Variants in NFAT5 observed in about 807,000 individuals in gnomAD.
The protein encoded by NFAT5 is nuclear factor of activated T cells 5.
Under a neutral mutation model 166.5 loss-of-function variants are expected in NFAT5, and 31 were observed. That is an observed-to-expected ratio of 0.19 (90% CI 0.14 to 0.25). The LOEUF is 0.25. NFAT5 is among the 10% of genes least tolerant of loss of function. The probability of loss-of-function intolerance (pLI) is 1.00; values close to 1 mark genes in which losing one functional copy is unlikely to be tolerated. For synonymous variants in NFAT5, 612 were observed against 639.7 expected (o/e 0.96, Z 0.65); for missense variants, 1,449 against 1,821.8 (o/e 0.80, Z 3.72).
chr16:69,630,617 C>T (rs973579944), intron 3 of NFAT5, among the ~76,000 whole-genome samples: 3 of 152,202 alleles, frequency 2.0e-5, no homozygotes, highest in East Asian at 1.9e-4. Flanking sequence ...AGAGAGGCCA[C>T]GTTCCTAAAA....
At chr16:69,596,288 G>C (rs1396004923) in intron 2 of NFAT5, among the ~76,000 whole-genome samples, 3 of 152,064 alleles carry the variant, frequency 2.0e-5, no homozygotes, top group Non-Finnish European at 4.4e-5. Context: ...AGAGCACTTT[G>C]ATGTATATTT....
In NFAT5 at chr16:69,696,470, TGATA is replaced by T. The variant is rs1267703596; in HGVS notation, c.*123_*126del. Reference sequence around the variant, plus strand: ...TATAAAAAACTGTGTTTGAGTAAACTGATAGATTTTACTCTGACTGCAAAAGAGC... The same window carrying T: ...TATAAAAAACTGTGTTTGAGTAAACTGATTTTACTCTGACTGCAAAAGAGC... On this transcript the variant is annotated 3_prime_UTR_variant, in exon 15 of 15. Transcript: ENST00000349945. The T allele has an allele frequency of 6.6e-6, 1 of 152,648 alleles. No homozygotes were observed. The highest frequency in any genetic ancestry group is 2.4e-5 in the African/African-American group (1 of 41,458). The allele number at this position is 152,648 out of a possible 1,614,324, so 9.5% of individuals were successfully genotyped here.
At chr16:69,619,639 T>A (rs775171031) in intron 2 of NFAT5, among the ~76,000 whole-genome samples, 21 of 152,166 alleles carry the variant, frequency 1.4e-4, no homozygotes, top group Non-Finnish European at 2.4e-4. Flanking sequence ...GTTATTAATG[T>A]TGTTATTTTG....
chr16:69,627,290 ACTG>A (rs1272439279), intron 3 of NFAT5, among the ~76,000 whole-genome samples: 1 of 135,740 alleles, frequency 7.4e-6, no homozygotes, highest in Non-Finnish European at 1.6e-5. Flanking sequence ...GGATTTATAG[ACTG>A]CTAAGTGTGT....
chr16:69,625,411 G>A (rs561725943), intron 2 of NFAT5, among the ~76,000 whole-genome samples: 9 of 151,932 alleles, frequency 5.9e-5, no homozygotes, highest in African/African-American at 1.4e-4. Context: ...AAAAGTAATC[G>A]TAATCTAATA....
At position 69,693,499 on chromosome 16, in the gene NFAT5, G is replaced by A; in HGVS notation, c.3674G>A (p.Gly1225Asp). 6.2e-7 allele frequency: 1 copy of A among 1,614,126 alleles called. No homozygotes were observed. Among genetic ancestry groups the A allele is most frequent in the Non-Finnish European group, 8.5e-7 (1 of 1,180,030 alleles). Residue 1225 changes from glycine to aspartate, a missense_variant, in exon 13 of 15, where the codon GGT (glycine) becomes GAT (aspartate). Transcript: ENST00000349945. ...SQEQAQPPQQ[G>D]LFQPQVALGS... ...GAACAGGCACAACCCCCGCAGCAGG[G>A]TTTATTTCAGCCTCAGGTGGCCCTG...
In NFAT5 at chr16:69,566,958, G is replaced by C. The variant is rs1173239964; in HGVS notation, c.73+584G>C. ...TTGGGACAGCCCCCCTCGACCAGGC[G>C]TTCTTCCTTTCCTCGTCATCTTCTT... On this transcript the variant is annotated intron_variant, in intron 1 of 14. Transcript: ENST00000349945. This position sits in a 1 kb window ranked among gnomAD's most constrained non-coding sequence, Gnocchi z 5.7. Among the ~76,000 whole-genome samples, 3 of 152,040 alleles carry C rather than the reference G, an allele frequency of 2.0e-5. No individual in the cohort carries two copies. Among genetic ancestry groups the C allele is most frequent in the Non-Finnish European group, 1.5e-5 (1 of 68,020 alleles).
chr16:69,630,247 C>T (rs141039288), intron 3 of NFAT5, among the ~76,000 whole-genome samples: 2 of 152,004 alleles, frequency 1.3e-5, no homozygotes, highest in East Asian at 1.9e-4. Context: ...GGGATGGTCT[C>T]GAACGAACTC....
chr16:69,593,010 T>G (rs971920070), intron 2 of NFAT5, among the ~76,000 whole-genome samples: 3 of 152,148 alleles, frequency 2.0e-5, no homozygotes, highest in Non-Finnish European at 4.4e-5. Flanking sequence ...ATCATGAAAA[T>G]CCCATGTTTA....
intron 2 of NFAT5, among the ~76,000 whole-genome samples, chr16:69,617,790 C>T (rs2034021386): frequency 6.6e-6 from 1 of 152,020 alleles, no homozygotes; most frequent in Non-Finnish European, 1.5e-5. Flanking sequence ...CTTTGCCTGG[C>T]TGAACATAAT....
At chr16:69,572,534 T>G (rs980106537) in intron 2 of NFAT5, among the ~76,000 whole-genome samples, 8 of 152,122 alleles carry the variant, frequency 5.3e-5, no homozygotes, top group Admixed American at 4.6e-4. Flanking sequence ...AAAATTCAGC[T>G]GCAGAGAAAA....
chr16:69,595,300 T>C (rs968104464), intron 2 of NFAT5, among the ~76,000 whole-genome samples: 10 of 152,226 alleles, frequency 6.6e-5, no homozygotes, highest in African/African-American at 2.4e-4. Context: ...ACAGTGCCGA[T>C]GTGATGATAT....
intron 2 of NFAT5, among the ~76,000 whole-genome samples, chr16:69,599,342 T>C (rs33061): frequency 0.89 from 136,250 of 152,262 alleles, 61,178 homozygotes; most frequent in African/African-American, 0.97. Context: ...TTCGGGAGGC[T>C]GAGGAGGGAG....
chr16:69,681,387 CT>C (rs2037052867), intron 10 of NFAT5, among the ~76,000 whole-genome samples: 1 of 152,170 alleles, frequency 6.6e-6, no homozygotes, highest in Admixed American at 6.5e-5. Context: ...TCCTATCTTA[CT>C]TTGACCAAAA....
intron 3 of NFAT5, among the ~76,000 whole-genome samples, chr16:69,629,523 G>A (rs7186775): frequency 2.3e-4 from 35 of 152,058 alleles, no homozygotes; most frequent in African/African-American, 8.5e-4. Flanking sequence ...AAGGTGTCGG[G>A]GAAAGGGGCT....
In NFAT5 at chr16:69,702,160, T is replaced by C. The variant is rs2037908783; in HGVS notation, c.*5809T>C. ...CAATATTCTTAATACCCTATTGATA[T>C]TATGCACTTTAATCATTCCAAAGAA... On this transcript the variant is annotated 3_prime_UTR_variant, in exon 15 of 15. Coordinates refer to ENST00000349945, the MANE Select transcript of NFAT5 (RefSeq NM_138713.4). 6.6e-6 allele frequency: 1 copy of C among 152,658 alleles called. No individual in the cohort carries two copies. Among genetic ancestry groups the C allele is most frequent in the Non-Finnish European group, 1.5e-5 (1 of 68,046 alleles). 9.5% of individuals were successfully genotyped at this position (152,658 alleles called of 1,614,324 possible). A position where few individuals can be genotyped will look rare whatever the true frequency, so the allele number is the denominator to read the frequency against.
At position 69,692,586 on chromosome 16, in the gene NFAT5, A is replaced by G; in HGVS notation, c.2761A>G (p.Ser921Gly). Residue 921 changes from serine to glycine, a missense_variant, in exon 13 of 15, where the codon AGT (serine) becomes GGT (glycine). By Grantham distance (56) the Ser-to-Gly change is moderately conservative. Coordinates refer to ENST00000349945, the MANE Select transcript of NFAT5 (RefSeq NM_138713.4). The stretch of plus-strand genomic sequence containing the variant: ...CGCAATGGTGATGGAGATGCAACAG[A>G]GTATCTGCCAGGCAGCTGCCCAGAT... ...SAAMVMEMQQ[S>G]ICQAAAQIQS... 6.2e-7 allele frequency: 1 copy of G among 1,614,234 alleles called. No homozygotes were observed. Among genetic ancestry groups the G allele is most frequent in the Non-Finnish European group, 8.5e-7 (1 of 1,180,044 alleles).
rs1234679510 is a variant in NFAT5, at chr16:69,697,987, A to C, written c.*1636A>C. 2 of 135,548 alleles carry C rather than the reference A, an allele frequency of 1.5e-5. No homozygotes were observed. The highest frequency in any genetic ancestry group is 5.6e-5 in the African/African-American group (2 of 35,820). 8.4% of individuals were successfully genotyped at this position (135,548 alleles called of 1,614,324 possible). ...CTGTACATTTAGTTGAACTGTGCGG[A>C]ATTGTGGTGTTGGTTTTGTTTACAC... On this transcript the variant is annotated 3_prime_UTR_variant, in exon 15 of 15. Transcript: ENST00000349945.
chr16:69,689,400 T>C (rs1050208703), intron 11 of NFAT5, among the ~76,000 whole-genome samples: 2 of 152,186 alleles, frequency 1.3e-5, no homozygotes, highest in African/African-American at 4.8e-5. Context: ...GGTAGAATAA[T>C]AAAACATGGA....
Sources: allele counts gnomAD v4.1 joint callset (sites outside exome capture counted in the v4.1 genomes callset), GRCh38; gene constraint gnomAD v4.1.1; non-coding constraint Gnocchi (gnomAD v3.1); transcripts MANE v1.5; gene names NCBI Gene and HGNC (gene_info 2026-07-23, HGNC 2026-07-21).